The following GRIN2A variants were observed in gnomAD, a reference collection of about 807,000 sequenced individuals.
GRIN2A encodes the protein glutamate ionotropic receptor NMDA type subunit 2A.
A neutral mutation model predicts 113.4 loss-of-function variants in GRIN2A; 22 were observed. The observed-to-expected ratio is 0.19, with a 90% confidence interval of 0.14 to 0.28. The LOEUF (loss-of-function observed/expected upper bound fraction) is 0.28, where lower values mean the gene tolerates loss of function less well. Ranked by LOEUF, GRIN2A falls within the 10% of genes least tolerant of loss-of-function variation. GRIN2A has a pLI of 1.00. For synonymous variants in GRIN2A, 827 were observed against 738.4 expected (o/e 1.12, Z -1.94); for missense variants, 1,502 against 1,887.0 (o/e 0.80, Z 3.78).
intron 11 of GRIN2A, among the ~76,000 whole-genome samples, chr16:9,785,085 C>G (rs1902155549): frequency 6.6e-6 from 1 of 152,152 alleles, no homozygotes; most frequent in Non-Finnish European, 1.5e-5. Context: ...CATCCCATTA[C>G]TGGGTATATA....
chr16:9,830,604 T>C (rs2042474578), intron 8 of GRIN2A, among the ~76,000 whole-genome samples: 2 of 152,114 alleles, frequency 1.3e-5, no homozygotes, highest in South Asian at 4.1e-4. Context: ...TCTACTCAGA[T>C]GTCACCTGCC....
chr16:10,149,067 CT>C (rs796678075), intron 2 of GRIN2A, among the ~76,000 whole-genome samples: 44 of 152,196 alleles, frequency 2.9e-4, no homozygotes, highest in African/African-American at 1.0e-3. Context: ...TTACCAGAGG[CT>C]GGAAAGGGTA....
At chr16:9,938,615 C>G in intron 2 of GRIN2A, 64 bp from the exon 3 acceptor site, 1 of 1,147,422 alleles carries the variant, frequency 8.7e-7, no homozygotes, top group Non-Finnish European at 1.3e-6. Flanking sequence ...GAAGCACAAA[C>G]TGCGTCCTAG....
intron 3 of GRIN2A, among the ~76,000 whole-genome samples, chr16:9,895,149 A>G (rs1385608076): frequency 6.6e-6 from 1 of 152,226 alleles, no homozygotes; most frequent in African/African-American, 2.4e-5. Context: ...AACGAAGAAC[A>G]ATAAGTGTAA....
chr16:10,052,411 G>A (rs1320925658), intron 2 of GRIN2A, among the ~76,000 whole-genome samples: 2 of 152,216 alleles, frequency 1.3e-5, no homozygotes, highest in African/African-American at 4.8e-5. Context: ...TCCTTCCCAT[G>A]CTCACCCTAA....
At chr16:10,019,713 G>T (rs1274496024) in intron 2 of GRIN2A, among the ~76,000 whole-genome samples, 1 of 152,322 alleles carries the variant, frequency 6.6e-6, no homozygotes, top group East Asian at 1.9e-4. Flanking sequence ...CTCAGCGAGG[G>T]TTCAGGACTA....
chr16:10,068,248 C>T (rs34084099), intron 2 of GRIN2A, among the ~76,000 whole-genome samples: 20,662 of 152,236 alleles, frequency 0.14, 1,498 homozygotes, highest in African/African-American at 0.19. Flanking sequence ...AAGGCAGAGA[C>T]CCTGTACTAG....
chr16:10,155,761 G>T (rs1376747546), intron 2 of GRIN2A, among the ~76,000 whole-genome samples: 1 of 152,132 alleles, frequency 6.6e-6, no homozygotes, highest in East Asian at 1.9e-4. Context: ...ATCTTACATG[G>T]CAAGAGAGCA....
At chr16:9,771,553 C>T (rs1164237769) in intron 11 of GRIN2A, among the ~76,000 whole-genome samples, 8 of 150,546 alleles carry the variant, frequency 5.3e-5, no homozygotes, top group Non-Finnish European at 1.2e-4. Context: ...TCAGATTACT[C>T]CCCCCCACCC....
chr16:9,939,844 CT>C (rs1199161779), intron 2 of GRIN2A, among the ~76,000 whole-genome samples: 2 of 152,086 alleles, frequency 1.3e-5, no homozygotes, highest in African/African-American at 4.8e-5. Flanking sequence ...GAAGGTATGC[CT>C]CTGTGTTAGA....
intron 2 of GRIN2A, among the ~76,000 whole-genome samples, chr16:10,088,256 T>C (rs994760888): frequency 3.3e-5 from 5 of 152,218 alleles, no homozygotes; most frequent in Non-Finnish European, 7.3e-5. Flanking sequence ...GTCGATTTCC[T>C]AAGCTTCGGC....
In GRIN2A at chr16:9,768,304, G is replaced by A. The variant is rs1427833534; in HGVS notation, c.2595+547C>T. ...CCTGACCTCGTGATCCGCCCGCCTGGGCCTCCCAAAGTGCTGGGATTATAG... is the reference window on the plus strand; with the variant it reads ...CCTGACCTCGTGATCCGCCCGCCTGAGCCTCCCAAAGTGCTGGGATTATAG... On this transcript the variant is annotated intron_variant, in intron 12 of 12. Transcript: ENST00000330684. Among the ~76,000 whole-genome samples the A allele has an allele frequency of 2.0e-5, 3 of 152,118 alleles. No homozygotes were observed. The East Asian group carries it at 5.8e-4, about 29-fold the overall frequency.
In GRIN2A at chr16:9,937,961, G is replaced by A. The variant is rs1432275575; in HGVS notation, c.1005C>T (p.His335=). 2.5e-6 allele frequency: 4 copies of A among 1,610,362 alleles called. No homozygotes were observed. The highest frequency in any genetic ancestry group is 3.4e-6 in the Non-Finnish European group (4 of 1,176,860). The change falls in exon 3 of 13, where the codon CAC becomes CAT. Residue 335 remains histidine (H), a splice_region_variant and synonymous_variant. Coordinates refer to ENST00000330684, the MANE Select transcript of GRIN2A (RefSeq NM_001134407.3). ...GGAGACAACAAGCCCTTTCTTACGG[G>A]TGCAAGGTGTGCATCGGGACCTCTG... ...ERPEVPMHTL[H]PFMVNVTWDG... is the part of the protein sequence containing the mutation.
chr16:9,923,036 C>G (rs2044387231), intron 3 of GRIN2A, among the ~76,000 whole-genome samples: 1 of 152,090 alleles, frequency 6.6e-6, no homozygotes, highest in African/African-American at 2.4e-5. Context: ...TGTATCTTTA[C>G]TAACTTTGCT....
At chr16:10,112,621 G>A (rs878954186) in intron 2 of GRIN2A, 2 of 769,252 alleles carry the variant, frequency 2.6e-6, no homozygotes, top group South Asian at 1.3e-5. Context: ...TGGGGCATGG[G>A]CTCGCTAGAT....
chr16:10,014,906 G>T lies in GRIN2A; in HGVS notation c.415-76355C>A, dbSNP rs528080651. On this transcript the variant is annotated intron_variant, in intron 2 of 12. Transcript: ENST00000330684. Reference sequence around the variant, plus strand: ...AAAAAAAATTTAGCATCTACAGGAGGATGAGTGAATAGAAAAGCAGGAGGA... The same window carrying T: ...AAAAAAAATTTAGCATCTACAGGAGTATGAGTGAATAGAAAAGCAGGAGGA... Among the ~76,000 whole-genome samples, 4 of 152,238 alleles carry T rather than the reference G, an allele frequency of 2.6e-5. No homozygotes were observed. The East Asian group carries it at 5.8e-4, about 22-fold the overall frequency.
At chr16:9,934,975 G>A (rs2044679289) in intron 3 of GRIN2A, among the ~76,000 whole-genome samples, 1 of 151,858 alleles carries the variant, frequency 6.6e-6, no homozygotes, top group East Asian at 1.9e-4. Flanking sequence ...GCTTCTCTGG[G>A]GCTGAAATAC....
intron 2 of GRIN2A, among the ~76,000 whole-genome samples, chr16:10,057,080 T>C (rs1476024650): frequency 6.6e-6 from 1 of 151,830 alleles, no homozygotes; most frequent in South Asian, 2.1e-4. Context: ...ATTCATTCCA[T>C]CCAACCATGC....
At chr16:9,883,160 T>C (rs1199106373) in intron 4 of GRIN2A, among the ~76,000 whole-genome samples, 2 of 152,166 alleles carry the variant, frequency 1.3e-5, no homozygotes, top group African/African-American at 4.8e-5. Flanking sequence ...AGAAGTGCTA[T>C]TAAACAAATA....
Sources: allele counts gnomAD v4.1 joint callset (sites outside exome capture counted in the v4.1 genomes callset), GRCh38; gene constraint gnomAD v4.1.1; transcripts MANE v1.5; gene names NCBI Gene and HGNC (gene_info 2026-07-23, HGNC 2026-07-21).